RPS6KA2: variants seen among roughly 807,000 people sequenced by gnomAD.
RPS6KA2 encodes ribosomal protein S6 kinase alpha-2.
A neutral mutation model predicts 91.8 loss-of-function variants in RPS6KA2; 42 were observed. The ratio of observed to expected loss-of-function variants is 0.46; its 90% CI spans 0.36 to 0.59. The LOEUF (loss-of-function observed/expected upper bound fraction) is 0.59, where lower values mean the gene tolerates loss of function less well. Ranked by LOEUF, RPS6KA2 falls within the 20% of genes least tolerant of loss-of-function variation. The pLI is 0.00. For synonymous variants in RPS6KA2, 414 were observed against 393.6 expected (o/e 1.05, Z -0.61); for missense variants, 798 against 978.5 (o/e 0.82, Z 2.46).
chr6:166,645,720 T>C (rs1483784007), intron 2 of RPS6KA2, among the ~76,000 whole-genome samples: 40 of 152,268 alleles, frequency 2.6e-4, no homozygotes, highest in Admixed American at 2.1e-3. Context: ...CACAGAGTTC[T>C]TGGCACATAA....
chr6:166,741,985 T>C (rs9459734), intron 2 of RPS6KA2, among the ~76,000 whole-genome samples: 20,291 of 152,006 alleles, frequency 0.13, 1,749 homozygotes, highest in African/African-American at 0.24. Flanking sequence ...AAAATTAGCA[T>C]GGCATGGTGG....
At position 166,434,826 on chromosome 6, in the gene RPS6KA2, G is replaced by A. The variant is rs1328664798; in HGVS notation, c.1333-2336C>T. On this transcript the variant is annotated intron_variant, in intron 14 of 20. Transcript: ENST00000265678. The surrounding 1 kb of genome is among the most constrained non-coding windows in gnomAD (Gnocchi z 4.4). ...GAGTAAAAAAGGCCGACGCGAGCAG[G>A]TGCATCCTACGCCATCCCTTGTTTT... Among the ~76,000 whole-genome samples the A allele has an allele frequency of 1.3e-5, 2 of 152,114 alleles. No homozygotes were observed. The highest frequency in any genetic ancestry group is 2.1e-4 in the South Asian group (1 of 4,818).
rs1009011160 is a variant in RPS6KA2 at position 166,759,448 on chromosome 6, A to G, written c.123+98752T>C. On this transcript the variant is annotated intron_variant, in intron 2 of 21. Coordinates refer to the RPS6KA2 transcript ENST00000503859. The stretch of plus-strand genomic sequence containing the variant: ...TGCCTCTGTCTTCCAAAATTTCTCA[A>G]TTACCTTTTGCTACTTTTGCTGGCC... 5.9e-5 allele frequency among the ~76,000 whole-genome samples: 9 copies of G among 152,314 alleles called. No homozygotes were observed. The East Asian group carries it at 1.7e-3, about 29-fold the overall frequency.
intron 2 of RPS6KA2, among the ~76,000 whole-genome samples, chr6:166,826,533 A>G (rs546467951): frequency 1.4e-4 from 21 of 152,342 alleles, no homozygotes; most frequent in African/African-American, 4.8e-4. Flanking sequence ...CAACTCTGAG[A>G]TTTGGCTCTT....
chr6:166,634,056 G>C (rs751189875), intron 2 of RPS6KA2, among the ~76,000 whole-genome samples: 5 of 152,194 alleles, frequency 3.3e-5, no homozygotes, highest in Non-Finnish European at 5.9e-5. Context: ...TCAGGGCGTG[G>C]GGTCAGGCAG....
intron 1 of RPS6KA2, among the ~76,000 whole-genome samples, chr6:166,564,019 C>G (rs537299444): frequency 6.6e-6 from 1 of 152,292 alleles, no homozygotes; most frequent in South Asian, 2.1e-4. Flanking sequence ...TCCTTGCTCA[C>G]TGAGTAGGAA....
chr6:166,824,845 G>T (rs1295021854), intron 2 of RPS6KA2, among the ~76,000 whole-genome samples: 3 of 151,724 alleles, frequency 2.0e-5, no homozygotes, highest in Non-Finnish European at 4.4e-5. Context: ...GTGTATGCTT[G>T]TGTGTGTATC....
chr6:166,848,937 A>AT (rs1780670425), intron 2 of RPS6KA2, among the ~76,000 whole-genome samples: 1 of 151,184 alleles, frequency 6.6e-6, no homozygotes, highest in Non-Finnish European at 1.5e-5. Context: ...TAATTTTAAA[A>AT]ATATATATAT....
intron 2 of RPS6KA2, among the ~76,000 whole-genome samples, chr6:166,763,088 C>T (rs79325592): frequency 0.014 from 2,152 of 152,238 alleles, 39 homozygotes; most frequent in South Asian, 0.05. Flanking sequence ...TATTTGGGAC[C>T]CAGTAACTGA....
chr6:166,722,936 G>A (rs1790220567), intron 2 of RPS6KA2, among the ~76,000 whole-genome samples: 1 of 152,172 alleles, frequency 6.6e-6, no homozygotes, highest in African/African-American at 2.4e-5. Context: ...CAACTCGCGA[G>A]ACACCACCGC....
At position 166,729,400 on chromosome 6, in the gene RPS6KA2, T is replaced by G. The variant is rs537004937; in HGVS notation, c.123+128800A>C. 1.5e-3 allele frequency among the ~76,000 whole-genome samples: 234 copies of G among 152,286 alleles called. 1 individual carries two copies. Among genetic ancestry groups the G allele is most frequent in the Non-Finnish European group, 7.1e-4 (48 of 68,016 alleles). On this transcript the variant is annotated intron_variant, in intron 2 of 21. Coordinates refer to the RPS6KA2 transcript ENST00000503859. ...TCTCACTCTGTCACCCAGACTGGAG[T>G]GCAGTGGTGCAATCACGGCTCACTG...
At chr6:166,776,148 C>T (rs990827088) in intron 2 of RPS6KA2, among the ~76,000 whole-genome samples, 5 of 152,188 alleles carry the variant, frequency 3.3e-5, no homozygotes, top group Non-Finnish European at 7.3e-5. Flanking sequence ...GGAGAAAGTA[C>T]AGCTTAGAGG....
At chr6:166,631,903 T>C (rs1582966156), upstream of RPS6KA2, among the ~76,000 whole-genome samples, 2 of 151,986 alleles carry the variant, frequency 1.3e-5, no homozygotes, top group African/African-American at 4.8e-5. Context: ...TCAGCTAAGG[T>C]GTAAATGCCT....
intron 1 of RPS6KA2, among the ~76,000 whole-genome samples, chr6:166,576,207 C>G (rs1008711152): frequency 6.6e-6 from 1 of 152,216 alleles, no homozygotes; most frequent in Non-Finnish European, 1.5e-5. Flanking sequence ...ACCTCCCTTT[C>G]TTCCCAGTCT....
intron 11 of RPS6KA2, among the ~76,000 whole-genome samples, chr6:166,461,579 A>G: frequency 1.0e-5 from 1 of 99,986 alleles, no homozygotes; most frequent in Non-Finnish European, 2.0e-5. Context: ...AGGAGGGGAG[A>G]AATGGGGGAG....
At position 166,740,349 on chromosome 6, in the gene RPS6KA2, C is replaced by T. The variant is rs192780101; in HGVS notation, c.123+117851G>A. Among the ~76,000 whole-genome samples the T allele has an allele frequency of 3.9e-5, 6 of 152,250 alleles. No individual in the cohort carries two copies. In the East Asian group the frequency reaches 1.2e-3, roughly 29 times the overall value. Reference sequence around the variant, plus strand: ...ACTGGTGACTGGGGGGCTCTCAGTACCCAAAACACAGTTAAAATCTATCAA... The same window carrying T: ...ACTGGTGACTGGGGGGCTCTCAGTATCCAAAACACAGTTAAAATCTATCAA... On this transcript the variant is annotated intron_variant, in intron 2 of 21. Coordinates refer to the RPS6KA2 transcript ENST00000503859.
At chr6:166,519,716 T>TATATG (rs1360009724) in intron 3 of RPS6KA2, among the ~76,000 whole-genome samples, 1 of 152,204 alleles carries the variant, frequency 6.6e-6, no homozygotes, top group African/African-American at 2.4e-5. Flanking sequence ...AGGCATAGGA[T>TATATG]ATATGATATG....
At chr6:166,846,976 T>C (rs1780623307) in intron 2 of RPS6KA2, among the ~76,000 whole-genome samples, 1 of 152,026 alleles carries the variant, frequency 6.6e-6, no homozygotes, top group Non-Finnish European at 1.5e-5. Context: ...AAAGAGGAAG[T>C]CAAACTGTCA....
intron 11 of RPS6KA2, among the ~76,000 whole-genome samples, chr6:166,464,217 C>G (rs1202302688): frequency 6.6e-6 from 1 of 152,136 alleles, no homozygotes; most frequent in African/African-American, 2.4e-5. Flanking sequence ...ACCCTCTGCT[C>G]CTGCCAGGAC....
Sources: gnomAD v4.1 joint callset for allele counts (sites outside exome capture counted in the v4.1 genomes callset) on GRCh38, gnomAD v4.1.1 for gene constraint, Gnocchi (gnomAD v3.1) non-coding constraint, MANE v1.5 for transcripts, NCBI Gene and HGNC (gene_info 2026-07-23, HGNC 2026-07-21) for gene names.